Variants in PCDH15 observed in about 807,000 individuals in gnomAD.
The protein encoded by PCDH15 is protocadherin related 15, also known as protocadherin-15.
PCDH15 carries 129 observed loss-of-function variants against 178.5 expected under a neutral mutation model. The observed-to-expected ratio is 0.72, with a 90% confidence interval of 0.63 to 0.84. The LOEUF (loss-of-function observed/expected upper bound fraction) is 0.84, where lower values mean the gene tolerates loss of function less well. Ranked by LOEUF, PCDH15 falls within the 40% of genes least tolerant of loss-of-function variation. The probability of loss-of-function intolerance (pLI) is 0.00; values close to 1 mark genes in which losing one functional copy is unlikely to be tolerated. For synonymous variants in PCDH15, 800 were observed against 732.0 expected (o/e 1.09, Z -1.50); for missense variants, 2,230 against 2,099.9 (o/e 1.06, Z -1.21).
At chr10:55,426,565 C>T (rs945457631) in intron 2 of PCDH15, among the ~76,000 whole-genome samples, 1 of 152,098 alleles carries the variant, frequency 6.6e-6, no homozygotes, top group African/African-American at 2.4e-5. Flanking sequence ...CTCGGCCGTC[C>T]ATGGATGGTG....
At chr10:55,126,771 C>T (rs1837910410) in intron 2 of PCDH15, among the ~76,000 whole-genome samples, 1 of 151,918 alleles carries the variant, frequency 6.6e-6, no homozygotes, top group South Asian at 2.1e-4. Context: ...AGAAAATTAT[C>T]CTGTCTCAGA....
At chr10:54,042,115 G>A (rs745339127) in intron 18 of PCDH15, among the ~76,000 whole-genome samples, 32 of 152,158 alleles carry the variant, frequency 2.1e-4, no homozygotes, top group Admixed American at 5.2e-4. Flanking sequence ...CTGATGGCAC[G>A]AAGCAGCTTT....
At chr10:53,865,113 A>G (rs1379235458) in intron 27 of PCDH15, among the ~76,000 whole-genome samples, 1 of 152,164 alleles carries the variant, frequency 6.6e-6, no homozygotes, top group African/African-American at 2.4e-5. Flanking sequence ...AGCAACAACA[A>G]CAACGATACT....
At chr10:53,910,906 G>A (rs1025302300) in intron 25 of PCDH15, among the ~76,000 whole-genome samples, 4 of 152,074 alleles carry the variant, frequency 2.6e-5, no homozygotes, top group African/African-American at 4.8e-5. Flanking sequence ...TGGAAAAAAG[G>A]GTGCCAGAGA....
At chr10:54,903,196 T>C (rs922328338) in intron 2 of PCDH15, among the ~76,000 whole-genome samples, 1 of 152,132 alleles carries the variant, frequency 6.6e-6, no homozygotes, top group Non-Finnish European at 1.5e-5. Flanking sequence ...ACCAAGCCAA[T>C]AACATCAACA....
At chr10:55,579,228 A>G (rs1465175864) in intron 2 of PCDH15, among the ~76,000 whole-genome samples, 1 of 152,216 alleles carries the variant, frequency 6.6e-6, no homozygotes, top group African/African-American at 2.4e-5. Context: ...CAAATCTCCA[A>G]TTCGAAATAC....
At chr10:54,429,327 T>G (rs9415324) in intron 3 of PCDH15, among the ~76,000 whole-genome samples, 2 of 151,594 alleles carry the variant, frequency 1.3e-5, no homozygotes, top group Non-Finnish European at 2.9e-5. Context: ...ATTGAAAAAA[T>G]TACAGCAGAT....
chr10:55,579,810 G>GT (rs947054068), intron 2 of PCDH15, among the ~76,000 whole-genome samples: 2 of 151,658 alleles, frequency 1.3e-5, no homozygotes, highest in African/African-American at 2.4e-5. Flanking sequence ...GGATTTTTTG[G>GT]TTTTTTTGTT....
chr10:54,298,233 C>A (rs1055811073), intron 8 of PCDH15, among the ~76,000 whole-genome samples: 1 of 152,042 alleles, frequency 6.6e-6, no homozygotes, highest in African/African-American at 2.4e-5. Flanking sequence ...TCTATTGATC[C>A]TAAAAGATAA....
intron 2 of PCDH15, among the ~76,000 whole-genome samples, chr10:54,587,281 T>C (rs1326462100): frequency 6.6e-6 from 1 of 152,112 alleles, no homozygotes; most frequent in Non-Finnish European, 1.5e-5. Context: ...TTCTTAAAAA[T>C]AAATAATTGA....
At chr10:54,173,122 C>T (rs140406833) in intron 13 of PCDH15, among the ~76,000 whole-genome samples, 3 of 152,128 alleles carry the variant, frequency 2.0e-5, no homozygotes, top group African/African-American at 4.8e-5. Context: ...CTACATAAGC[C>T]CTAAGGTTTT....
At chr10:54,201,736 T>C (rs941942410) in intron 10 of PCDH15, among the ~76,000 whole-genome samples, 1 of 87,172 alleles carries the variant, frequency 1.1e-5, no homozygotes, top group Non-Finnish European at 2.2e-5. Context: ...TAGATATTTA[T>C]GGATGTTTTT....
chr10:54,497,895 C>T (rs529384166), intron 3 of PCDH15, among the ~76,000 whole-genome samples: 2 of 152,084 alleles, frequency 1.3e-5, no homozygotes, highest in African/African-American at 4.8e-5. Flanking sequence ...AGAATATTGT[C>T]TATGAAAATT....
chr10:54,141,085 C>T (rs1208164983), intron 14 of PCDH15, among the ~76,000 whole-genome samples: 4 of 150,718 alleles, frequency 2.7e-5, no homozygotes, highest in Non-Finnish European at 5.9e-5. Flanking sequence ...CATAGGTATA[C>T]ATATATGTAT....
chr10:54,403,153 A>G (rs1215870522), intron 3 of PCDH15, among the ~76,000 whole-genome samples: 1 of 152,030 alleles, frequency 6.6e-6, no homozygotes, highest in Non-Finnish European at 1.5e-5. Flanking sequence ...TAGAAGATCA[A>G]ACAAGACACA....
chr10:54,872,443 C>T (rs1187639739), intron 3 of PCDH15, among the ~76,000 whole-genome samples: 1 of 151,966 alleles, frequency 6.6e-6, no homozygotes, highest in East Asian at 1.9e-4. Flanking sequence ...AAATAATAAA[C>T]CTACCAAATA....
At chr10:54,097,519 C>A (rs7915544) in intron 15 of PCDH15, among the ~76,000 whole-genome samples, 14,705 of 152,190 alleles carry the variant, frequency 0.097, 962 homozygotes, top group South Asian at 0.18. Context: ...CTCTAGCTTT[C>A]CTTCTTTCAT....
chr10:55,031,839 C>T (rs1430316451), intron 2 of PCDH15, among the ~76,000 whole-genome samples: 1 of 152,142 alleles, frequency 6.6e-6, no homozygotes, highest in Admixed American at 6.5e-5. Context: ...ACTTTCCAAC[C>T]CCCAGAGCTA....
intron 2 of PCDH15, among the ~76,000 whole-genome samples, chr10:54,594,350 G>A (rs2092076954): frequency 1.3e-5 from 2 of 152,122 alleles, no homozygotes; most frequent in African/African-American, 4.8e-5. Flanking sequence ...CCTAAGGAAA[G>A]GGGTGAACGT....
Sources: gnomAD v4.1 joint callset for allele counts (sites outside exome capture counted in the v4.1 genomes callset) on GRCh38, gnomAD v4.1.1 for gene constraint, MANE v1.5 for transcripts, NCBI Gene and HGNC (gene_info 2026-07-23, HGNC 2026-07-21) for gene names.